TRIM37: variants seen among roughly 807,000 people sequenced by gnomAD.
TRIM37 encodes the protein E3 ubiquitin-protein ligase TRIM37.
Under a neutral mutation model 129.8 loss-of-function variants are expected in TRIM37, and 80 were observed. That is an observed-to-expected ratio of 0.62 (90% CI 0.51 to 0.74). The LOEUF (loss-of-function observed/expected upper bound fraction) is 0.74, where lower values mean the gene tolerates loss of function less well. TRIM37 is among the 30% of genes least tolerant of loss of function. TRIM37 has a pLI of 0.00. For missense variants in TRIM37, 1,054 were observed against 1,176.5 expected (o/e 0.90, Z 1.52); for synonymous variants, 389 against 387.1 (o/e 1.00, Z -0.06).
intron 2 of TRIM37, among the ~76,000 whole-genome samples, chr17:59,103,419 G>T (rs1470236236): frequency 1.3e-5 from 2 of 151,908 alleles, no homozygotes; most frequent in Non-Finnish European, 2.9e-5. Context: ...TCGGCTCACT[G>T]CAACCTCCGC....
chr17:59,083,253 T>C (rs967176485), intron 5 of TRIM37, among the ~76,000 whole-genome samples: 2 of 152,014 alleles, frequency 1.3e-5, no homozygotes, highest in African/African-American at 4.8e-5. Context: ...CTGACCAACA[T>C]GGAGAAACCC....
At chr17:59,094,856 G>C (rs1039506587) in intron 2 of TRIM37, among the ~76,000 whole-genome samples, 1 of 152,158 alleles carries the variant, frequency 6.6e-6, no homozygotes, top group Non-Finnish European at 1.5e-5. Context: ...TTAGATACTG[G>C]AGGCAGAGAA....
At position 59,106,479 on chromosome 17, in the gene TRIM37, G is replaced by A. The variant is rs779613026; in HGVS notation, c.-18C>T. 8.7e-6 allele frequency: 14 copies of A among 1,613,436 alleles called. No homozygotes were observed. Among genetic ancestry groups the A allele is most frequent in the Non-Finnish European group, 3.4e-6 (4 of 1,179,804 alleles). The stretch of plus-strand genomic sequence containing the variant: ...TCATCCATTGCCTCCGGCTCTCGGC[G>A]GGGCCGCTGGCGACCCGCAGGCTCC... On this transcript the variant is annotated 5_prime_UTR_variant, in exon 1 of 24. Coordinates refer to ENST00000262294, the MANE Select transcript of TRIM37 (RefSeq NM_015294.6).
intron 1 of TRIM37, among the ~76,000 whole-genome samples, chr17:59,105,828 A>T (rs1479436096): frequency 2.6e-5 from 4 of 152,226 alleles, no homozygotes; most frequent in Non-Finnish European, 5.9e-5. Context: ...AAGGTTCAAA[A>T]TTTGATAATG....
chr17:58,997,135 C>T (rs1445057291), downstream of TRIM37, among the ~76,000 whole-genome samples: 2 of 152,084 alleles, frequency 1.3e-5, no homozygotes, highest in Non-Finnish European at 2.9e-5. Flanking sequence ...GCGATCTGAA[C>T]AAATTCTGTA....
At chr17:59,038,929 T>C (rs941861459) in intron 17 of TRIM37, among the ~76,000 whole-genome samples, 6 of 152,192 alleles carry the variant, frequency 3.9e-5, no homozygotes, top group Admixed American at 3.3e-4. Context: ...ACTCACTCCC[T>C]GTTCCACAGC....
chr17:59,079,451 A>T (rs1195860479), intron 7 of TRIM37, among the ~76,000 whole-genome samples: 1 of 152,222 alleles, frequency 6.6e-6, no homozygotes, highest in Non-Finnish European at 1.5e-5. Context: ...GATATGGAAC[A>T]TTAGTAGAAG....
At chr17:59,005,568 C>T (rs1303462635) in intron 22 of TRIM37, among the ~76,000 whole-genome samples, 3 of 152,126 alleles carry the variant, frequency 2.0e-5, no homozygotes, top group Non-Finnish European at 4.4e-5. Flanking sequence ...TAGGTGTGAG[C>T]CACCGCATCC....
intron 4 of TRIM37, 69 bp downstream of exon 4, chr17:59,088,222 A>C (rs2043951928): frequency 2.1e-6 from 2 of 953,790 alleles, no homozygotes; most frequent in African/African-American, 3.2e-5. Context: ...GGCAACTACC[A>C]ATATAGTGTC....
chr17:59,080,983 T>C, intron 6 of TRIM37, 114 bp downstream of exon 6: 1 of 570,396 alleles, frequency 1.8e-6, no homozygotes, highest in Non-Finnish European at 2.4e-6. Context: ...GCCTATCAAA[T>C]TTGCAAATCT....
intron 14 of TRIM37, 110 bp from the exon 15 acceptor site, chr17:59,049,503 T>C: frequency 1.0e-6 from 1 of 998,082 alleles, no homozygotes; most frequent in Non-Finnish European, 1.5e-6. Flanking sequence ...ATTGCTTTAT[T>C]TATTTTTTGA....
chr17:59,075,146 GAAGAA>G (rs1292267533), intron 8 of TRIM37, among the ~76,000 whole-genome samples: 1 of 151,820 alleles, frequency 6.6e-6, no homozygotes, highest in African/African-American at 2.4e-5. Flanking sequence ...TCCCAAACAT[GAAGAA>G]AAAACTTGGC....
chr17:59,090,737 T>C (rs936137350), intron 3 of TRIM37, among the ~76,000 whole-genome samples: 20 of 152,126 alleles, frequency 1.3e-4, no homozygotes, highest in Non-Finnish European at 1.6e-4. Context: ...GCAATTCTCA[T>C]GCTTCAGCCT....
chr17:59,007,754 T>C (rs1325162786), intron 22 of TRIM37, among the ~76,000 whole-genome samples: 1 of 152,176 alleles, frequency 6.6e-6, no homozygotes, highest in Non-Finnish European at 1.5e-5. Context: ...CTATTTATGT[T>C]CATATCTAAG....
At chr17:59,024,322 A>G (rs2036986898) in intron 19 of TRIM37, among the ~76,000 whole-genome samples, 1 of 152,132 alleles carries the variant, frequency 6.6e-6, no homozygotes. Context: ...AAATACTATC[A>G]GAGAAAAAGA....
intron 4 of TRIM37, among the ~76,000 whole-genome samples, chr17:59,086,301 G>A (rs1189052463): frequency 6.6e-6 from 1 of 150,398 alleles, no homozygotes; most frequent in Middle Eastern, 3.2e-3. Flanking sequence ...GAAGTGGCGC[G>A]ATCTTGGCCC....
In TRIM37 at chr17:59,093,156, TAAAATA is replaced by T. The variant is rs574627418; in HGVS notation, c.124-1822_124-1817del. On this transcript the variant is annotated intron_variant, in intron 2 of 23. Transcript: ENST00000262294. ...CAGAGCATGATTCTGTCTCAAAAAA[TAAAATA>T]AAAATAAAATAAAAAGCCTATGGAA... is the stretch of plus-strand genomic sequence containing the variant. 5.3e-4 allele frequency among the ~76,000 whole-genome samples: 80 copies of T among 151,730 alleles called. No individual in the cohort carries two copies. The East Asian group carries it at 0.014, about 27-fold the overall frequency.
At chr17:59,057,138 GTAAT>G (rs1342608848) in intron 12 of TRIM37, 84 bp from the exon 13 acceptor site, 2 of 1,165,826 alleles carry the variant, frequency 1.7e-6, no homozygotes, top group East Asian at 4.8e-5. Flanking sequence ...AGGTCACTAA[GTAAT>G]TACCTGAGAA....
chr17:59,015,630 C>G lies in TRIM37; in HGVS notation c.2556G>C (p.Arg852Ser). The G allele has an allele frequency of 1.2e-6, 2 of 1,614,120 alleles. No individual in the cohort carries two copies. The highest frequency in any genetic ancestry group is 1.7e-6 in the Non-Finnish European group (2 of 1,180,016). ...VFSGLPAVEK[R>S]RKMVTLGANA... Reference sequence around the variant, plus strand: ...TTTACCCCAAGGTGACCATTTTCCTCCTTTTCTCAACCGCAGGCAAGCCAC... The same window carrying G: ...TTTACCCCAAGGTGACCATTTTCCTGCTTTTCTCAACCGCAGGCAAGCCAC... Residue 852 changes from arginine (R) to serine (S), a missense_variant, in exon 21 of 24, where the codon AGG becomes AGC. Around this residue, in one of 3 missense-constraint regions of TRIM37, gnomAD observed 287 missense variants for 274.3 expected, o/e 1.05. Transcript: ENST00000262294.
Sources: gnomAD v4.1 joint callset for allele counts (sites outside exome capture counted in the v4.1 genomes callset) on GRCh38, gnomAD v4.1.1 for gene constraint, gnomAD v4.1.1 regional missense constraint, MANE v1.5 for transcripts, NCBI Gene and HGNC (gene_info 2026-07-23, HGNC 2026-07-21) for gene names.